GRM8: variants seen among roughly 807,000 people sequenced by gnomAD.
GRM8 encodes glutamate metabotropic receptor 8.
Under a neutral mutation model 87.2 loss-of-function variants are expected in GRM8, and 47 were observed. The observed-to-expected ratio is 0.54, with a 90% CI of 0.43 to 0.69. GRM8 has a LOEUF of 0.69. Ranked by LOEUF, GRM8 falls within the 30% of genes least tolerant of loss-of-function variation. The probability of loss-of-function intolerance (pLI) is 0.00; values close to 1 mark genes in which losing one functional copy is unlikely to be tolerated. For missense variants in GRM8, 1,019 were observed against 1,139.2 expected (o/e 0.89, Z 1.52); for synonymous variants, 396 against 404.5 (o/e 0.98, Z 0.25).
At chr7:126,757,858 C>A (rs930975864) in intron 7 of GRM8, among the ~76,000 whole-genome samples, 2 of 152,130 alleles carry the variant, frequency 1.3e-5, no homozygotes, top group African/African-American at 4.8e-5. Context: ...CTTATCTATC[C>A]TATCCTTTTA....
intron 6 of GRM8, among the ~76,000 whole-genome samples, chr7:126,782,256 A>G: frequency 6.6e-6 from 1 of 152,198 alleles, no homozygotes; most frequent in East Asian, 1.9e-4. Flanking sequence ...AAACTCATTA[A>G]CCTAGTCCAA....
At chr7:127,218,217 G>A (rs139276861) in intron 2 of GRM8, among the ~76,000 whole-genome samples, 247 of 152,354 alleles carry the variant, frequency 1.6e-3, no homozygotes, top group African/African-American at 4.9e-3. Flanking sequence ...CTTATGTGTC[G>A]TGATTTGTCC....
intron 9 of GRM8, among the ~76,000 whole-genome samples, chr7:126,493,999 T>C (rs992432695): frequency 3.9e-5 from 6 of 151,940 alleles, no homozygotes; most frequent in African/African-American, 1.4e-4. Flanking sequence ...CGGAGCTGCT[T>C]CCTCTCTCTG....
chr7:126,902,018 G>A (rs1471477225), intron 6 of GRM8, among the ~76,000 whole-genome samples: 1 of 151,734 alleles, frequency 6.6e-6, no homozygotes, highest in Admixed American at 6.6e-5. Flanking sequence ...ATTCAAAAAT[G>A]CATATTCAAT....
At chr7:126,974,965 A>C (rs1207154920) in intron 3 of GRM8, among the ~76,000 whole-genome samples, 1 of 144,578 alleles carries the variant, frequency 6.9e-6, no homozygotes, top group African/African-American at 2.6e-5. Flanking sequence ...AAAAAAAAAA[A>C]AAACCACTAA....
At chr7:126,717,801 C>G (rs1170186963) in intron 7 of GRM8, among the ~76,000 whole-genome samples, 3 of 152,020 alleles carry the variant, frequency 2.0e-5, no homozygotes, top group Non-Finnish European at 4.4e-5. Context: ...ATTTTATGGA[C>G]AAAAAATCAT....
intron 6 of GRM8, among the ~76,000 whole-genome samples, chr7:126,811,894 A>G (rs913267352): frequency 6.6e-6 from 1 of 151,876 alleles, no homozygotes; most frequent in Non-Finnish European, 1.5e-5. Flanking sequence ...CTCCAGTACT[A>G]TATTGAATAG....
intron 3 of GRM8, among the ~76,000 whole-genome samples, chr7:127,032,600 T>C (rs989317198): frequency 8.5e-5 from 13 of 152,258 alleles, no homozygotes; most frequent in African/African-American, 3.1e-4. Flanking sequence ...ACTTAAAAAA[T>C]CAATAGCAAT....
chr7:127,023,365 T>G (rs537617737), intron 3 of GRM8, among the ~76,000 whole-genome samples: 1 of 152,208 alleles, frequency 6.6e-6, no homozygotes, highest in African/African-American at 2.4e-5. Flanking sequence ...TTATAGTTTC[T>G]TATTATGGCA....
intron 9 of GRM8, among the ~76,000 whole-genome samples, chr7:126,457,119 A>C (rs1803343852): frequency 6.6e-6 from 1 of 151,456 alleles, no homozygotes; most frequent in South Asian, 2.1e-4. Flanking sequence ...AGGAGTGAAA[A>C]ATATAATAAT....
chr7:126,718,185 C>T (rs1309887925), intron 7 of GRM8, among the ~76,000 whole-genome samples: 2 of 151,804 alleles, frequency 1.3e-5, no homozygotes, highest in Admixed American at 6.6e-5. Flanking sequence ...TGCAGTGAGC[C>T]GAGATCACGC....
Position 126,579,580 on chromosome 7 carries a change from T to C in GRM8, c.1494+29782A>G, listed in dbSNP as rs1461583002. 2.6e-5 allele frequency among the ~76,000 whole-genome samples: 4 copies of C among 152,152 alleles called. No individual in the cohort carries two copies. In the East Asian group the frequency reaches 7.7e-4, roughly 29 times the overall value. On this transcript the variant is annotated intron_variant, in intron 8 of 10. Transcript: ENST00000339582. ...GCTTTGCTCTGATGCAGGCAGAACATGTCATCATTGTCCAACTAGTTTTAT... is the reference window on the plus strand; with the variant it reads ...GCTTTGCTCTGATGCAGGCAGAACACGTCATCATTGTCCAACTAGTTTTAT...
chr7:126,530,527 TG>T (rs1814631429), intron 9 of GRM8, among the ~76,000 whole-genome samples: 1 of 152,176 alleles, frequency 6.6e-6, no homozygotes, highest in Non-Finnish European at 1.5e-5. Context: ...CCGACTGACA[TG>T]GGCTCAATAA....
chr7:127,140,594 T>C (rs1472035039), intron 2 of GRM8, among the ~76,000 whole-genome samples: 2 of 152,066 alleles, frequency 1.3e-5, no homozygotes, highest in African/African-American at 4.8e-5. Context: ...TTGGGTGGAG[T>C]ATGAGGGGCC....
chr7:126,999,390 G>A (rs1426253024), intron 3 of GRM8, among the ~76,000 whole-genome samples: 1 of 151,752 alleles, frequency 6.6e-6, no homozygotes, highest in Non-Finnish European at 1.5e-5. Context: ...ATGGGCAAAT[G>A]GGATCACATC....
intron 7 of GRM8, among the ~76,000 whole-genome samples, chr7:126,711,397 T>C (rs1343098748): frequency 1.3e-5 from 2 of 152,190 alleles, no homozygotes; most frequent in African/African-American, 2.4e-5. Context: ...GTCTCAACAC[T>C]GGGCTGAAAA....
chr7:126,806,997 G>A (rs144462717), intron 6 of GRM8, among the ~76,000 whole-genome samples: 12 of 152,324 alleles, frequency 7.9e-5, no homozygotes, highest in Middle Eastern at 3.4e-3. Context: ...CAGAGCGGAC[G>A]CCGAGGCCAA....
chr7:127,103,744 C>T (rs79856387), intron 3 of GRM8, among the ~76,000 whole-genome samples: 1,825 of 152,264 alleles, frequency 0.012, 35 homozygotes, highest in African/African-American at 0.036. Flanking sequence ...TTTGCTGATA[C>T]CAAATATGTT....
chr7:126,718,177 C>A (rs1811969159), intron 7 of GRM8, among the ~76,000 whole-genome samples: 1 of 152,034 alleles, frequency 6.6e-6, no homozygotes, highest in Non-Finnish European at 1.5e-5. Context: ...TGGGAGCTTG[C>A]AGTGAGCCGA....
Sources: allele counts gnomAD v4.1 joint callset (sites outside exome capture counted in the v4.1 genomes callset), GRCh38; gene constraint gnomAD v4.1.1; transcripts MANE v1.5; gene names NCBI Gene and HGNC (gene_info 2026-07-23, HGNC 2026-07-21).